OSMR: variants seen among roughly 807,000 people sequenced by gnomAD.
OSMR encodes the protein oncostatin M receptor, also known as oncostatin-M-specific receptor subunit beta.
A neutral mutation model predicts 99.9 loss-of-function variants in OSMR; 81 were observed. The ratio of observed to expected loss-of-function variants is 0.81; its 90% CI spans 0.68 to 0.97. The LOEUF is 0.97. Ranked by LOEUF, OSMR falls within the 50% of genes least tolerant of loss-of-function variation. OSMR has a pLI of 0.00. For synonymous variants in OSMR, 406 were observed against 410.4 expected (o/e 0.99, Z 0.13); for missense variants, 1,099 against 1,153.4 (o/e 0.95, Z 0.68).
intron 9 of OSMR, among the ~76,000 whole-genome samples, chr5:38,912,041 T>C (rs1429808686): frequency 2.0e-5 from 3 of 151,138 alleles, no homozygotes; most frequent in Non-Finnish European, 4.4e-5. Context: ...CTATTCAATA[T>C]AATATTGGAA....
chr5:38,911,695 A>G (rs1745600278), intron 9 of OSMR, among the ~76,000 whole-genome samples: 1 of 152,220 alleles, frequency 6.6e-6, no homozygotes, highest in Admixed American at 6.5e-5. Context: ...CCAGCAGCAC[A>G]TTAAAAAGCT....
At chr5:38,921,841 G>A (rs780372230) in intron 12 of OSMR, 47 bp downstream of exon 12, 1 of 1,497,336 alleles carries the variant, frequency 6.7e-7, no homozygotes. Context: ...TCACCTTGAA[G>A]AAAGTTCAAG....
chr5:38,906,627 A>G (rs1745251385), intron 9 of OSMR, among the ~76,000 whole-genome samples: 1 of 152,222 alleles, frequency 6.6e-6, no homozygotes, highest in Non-Finnish European at 1.5e-5. Context: ...GGCTTCTCCA[A>G]TGACTTATTT....
At chr5:38,874,131 C>G (rs1436482943) in intron 2 of OSMR, among the ~76,000 whole-genome samples, 2 of 152,096 alleles carry the variant, frequency 1.3e-5, no homozygotes, top group Non-Finnish European at 2.9e-5. Flanking sequence ...GGAACCTTAT[C>G]AGATATATGA....
Position 38,921,793 on chromosome 5 carries a change from A to G in OSMR, c.1764A>G (p.Thr588=), listed in dbSNP as rs939074288. The G allele has an allele frequency of 1.2e-6, 2 of 1,612,498 alleles. No homozygotes were observed. The highest frequency in any genetic ancestry group is 2.2e-5 in the East Asian group (1 of 44,864). Residue 588 remains threonine, a splice_region_variant and synonymous_variant, in exon 12 of 18, where the codon ACA becomes ACG. Transcript: ENST00000274276. Reference sequence around the variant, plus strand: ...ATACCACAAGCACAGTCATTAGCACAGGTAAGAAGAAGCTTCCATATCATC... The same window carrying G: ...ATACCACAAGCACAGTCATTAGCACGGGTAAGAAGAAGCTTCCATATCATC... The part of the protein sequence containing the change: ...GPNTTSTVIS[T]DAFRPGVRYD...
chr5:38,918,770 T>C lies in OSMR; in HGVS notation c.1363-70T>C, dbSNP rs540533033. Reference sequence around the variant, plus strand: ...TAAAGGAGTTGAGGGACAGAAAAGATGAAAAAGGAGTTGTACAAATTCCTT... The same window carrying C: ...TAAAGGAGTTGAGGGACAGAAAAGACGAAAAAGGAGTTGTACAAATTCCTT... On this transcript the variant is annotated intron_variant, in intron 10 of 17. Transcript: ENST00000274276. The C allele has an allele frequency of 1.6e-5, 26 of 1,586,084 alleles. No individual in the cohort carries two copies. The East Asian group carries it at 5.8e-4, about 35-fold the overall frequency.
chr5:38,896,179 G>A (rs995500931), intron 7 of OSMR, among the ~76,000 whole-genome samples: 6 of 151,906 alleles, frequency 3.9e-5, no homozygotes, highest in Admixed American at 3.9e-4. Context: ...TTCTATTTTT[G>A]TAAGGAATGT....
chr5:38,898,368 G>A (rs989260879), intron 7 of OSMR, among the ~76,000 whole-genome samples: 6 of 152,090 alleles, frequency 3.9e-5, no homozygotes, highest in East Asian at 1.9e-4. Flanking sequence ...TTGCATCTCC[G>A]TATAGGTTTT....
intron 9 of OSMR, among the ~76,000 whole-genome samples, chr5:38,905,662 C>G (rs938658744): frequency 6.6e-6 from 1 of 152,082 alleles, no homozygotes; most frequent in Non-Finnish European, 1.5e-5. Flanking sequence ...ACTGGTTCAG[C>G]CAGGCACTGA....
Position 38,933,603 on chromosome 5 carries a change from T to C in OSMR, c.*159T>C, listed in dbSNP as rs1259438347. The C allele has an allele frequency of 3.9e-6, 3 of 762,018 alleles. No individual in the cohort carries two copies. Among genetic ancestry groups the C allele is most frequent in the African/African-American group, 3.5e-5 (2 of 57,832 alleles). The allele number at this position is 762,018 out of a possible 1,614,324, so 47.2% of individuals were successfully genotyped here. ...TCTGGCTAGGTTAAAGGCCAGAGGCTATGGAACTTAACACTCCCCATTGGA... is the reference window on the plus strand; with the variant it reads ...TCTGGCTAGGTTAAAGGCCAGAGGCCATGGAACTTAACACTCCCCATTGGA... On this transcript the variant is annotated 3_prime_UTR_variant, in exon 18 of 18. Coordinates refer to ENST00000274276, the MANE Select transcript of OSMR (RefSeq NM_003999.3).
chr5:38,881,647 T>C lies in OSMR; in HGVS notation c.301T>C (p.Ser101Pro). ...WNQVLHWSWE[S>P]ELPLECATHF... ...CCAGGTTCTGCATTGGAGCTGGGAA[T>C]CTGAGCTCCCTTTGGAATGTGCCAC... Residue 101 changes from serine to proline, a missense_variant, in exon 4 of 18, where the codon TCT becomes CCT. Transcript: ENST00000274276. 6.2e-7 allele frequency: 1 copy of C among 1,614,184 alleles called. No homozygotes were observed. Among genetic ancestry groups the C allele is most frequent in the Non-Finnish European group, 8.5e-7 (1 of 1,180,010 alleles).
At chr5:38,870,840 G>A (rs1460210583) in intron 2 of OSMR, among the ~76,000 whole-genome samples, 1 of 152,178 alleles carries the variant, frequency 6.6e-6, no homozygotes, top group African/African-American at 2.4e-5. Context: ...TAAGGTGGCT[G>A]AAAATTCTCC....
chr5:38,929,196 AAAAC>A (rs1371492380), intron 15 of OSMR, among the ~76,000 whole-genome samples: 1 of 152,204 alleles, frequency 6.6e-6, no homozygotes, highest in Non-Finnish European at 1.5e-5. Context: ...TTAAACAGTA[AAAAC>A]AAACAAGCAA....
intron 1 of OSMR, chr5:38,941,719 G>A (rs1747593453): frequency 8.6e-6 from 2 of 232,218 alleles, no homozygotes; most frequent in Non-Finnish European, 8.5e-6. Context: ...CCGGGTTGTT[G>A]AGGCTCTTCT....
At chr5:38,883,675 G>A in intron 4 of OSMR, 152 bp from the exon 5 acceptor site, 1 of 1,518,688 alleles carries the variant, frequency 6.6e-7, no homozygotes, top group Non-Finnish European at 8.8e-7. Flanking sequence ...GCATGCACCA[G>A]AGGGTAGAGG....
chr5:38,899,488 T>G, intron 7 of OSMR, among the ~76,000 whole-genome samples: 1 of 152,086 alleles, frequency 6.6e-6, no homozygotes, highest in East Asian at 1.9e-4. Flanking sequence ...GCAGAGGGTG[T>G]CTCTCACTGT....
intron 5 of OSMR, among the ~76,000 whole-genome samples, chr5:38,884,798 C>T (rs1743577128): frequency 6.6e-6 from 1 of 152,116 alleles, no homozygotes; most frequent in South Asian, 2.1e-4. Flanking sequence ...ATCTCCTTCC[C>T]TTGCACAGTA....
rs1742169865 is a variant in OSMR at position 38,869,057 on chromosome 5, G to T, written c.13G>T (p.Ala5Ser). The change falls in exon 2 of 18, where the codon GCA (alanine) becomes TCA (serine). Residue 5 changes from alanine (A) to serine (S), a missense_variant. By Grantham distance (99) the Ala-to-Ser change is moderately conservative. Coordinates refer to ENST00000274276, the MANE Select transcript of OSMR (RefSeq NM_003999.3). MALF[A>S]VFQTTFFLTL... Reference sequence around the variant, plus strand: ...AAAACCAGAACTGATGGCTCTATTTGCAGTCTTTCAGACAACATTCTTCTT... The same window carrying T: ...AAAACCAGAACTGATGGCTCTATTTTCAGTCTTTCAGACAACATTCTTCTT... 6.2e-7 allele frequency: 1 copy of T among 1,613,650 alleles called. No homozygotes were observed. The highest frequency in any genetic ancestry group is 2.2e-5 in the East Asian group (1 of 44,858).
chr5:38,936,222 C>G (rs1046582916), downstream of OSMR, among the ~76,000 whole-genome samples: 7 of 152,148 alleles, frequency 4.6e-5, no homozygotes, highest in African/African-American at 1.7e-4. Context: ...CATCCACACC[C>G]CTGTTCGCTT....
Sources: gnomAD v4.1 joint callset for allele counts (sites outside exome capture counted in the v4.1 genomes callset) on GRCh38, gnomAD v4.1.1 for gene constraint, MANE v1.5 for transcripts, NCBI Gene and HGNC (gene_info 2026-07-23, HGNC 2026-07-21) for gene names.